REDIC1: variants seen among roughly 807,000 people sequenced by gnomAD.
The protein encoded by REDIC1 is regulator of DNA class I crossover intermediates 1.
At chr12:39,714,772 G>A in the REDIC1 span, among the ~76,000 whole-genome samples, 1 of 151,776 alleles carries the variant, frequency 6.6e-6, no homozygotes, top group African/African-American at 2.4e-5. Flanking sequence ...GGAGTAAGGT[G>A]GTATCACATT....
chr12:39,774,464 A>T, the REDIC1 span, among the ~76,000 whole-genome samples: 1 of 152,188 alleles, frequency 6.6e-6, no homozygotes, highest in Non-Finnish European at 1.5e-5. Context: ...GCCACATAGC[A>T]TTTAAACTCT....
the REDIC1 span, among the ~76,000 whole-genome samples, chr12:39,766,347 G>T: frequency 6.6e-6 from 1 of 152,046 alleles, no homozygotes; most frequent in East Asian, 1.9e-4. Context: ...TGAAAGTGCA[G>T]TCTATTAAGT....
the REDIC1 span, among the ~76,000 whole-genome samples, chr12:39,798,533 C>G: frequency 6.6e-6 from 1 of 152,184 alleles, no homozygotes; most frequent in African/African-American, 2.4e-5. Context: ...AAATTTACAA[C>G]ATACTTATTA....
chr12:39,868,535 A>T, the REDIC1 span, among the ~76,000 whole-genome samples: 1 of 152,200 alleles, frequency 6.6e-6, no homozygotes, highest in Non-Finnish European at 1.5e-5. Context: ...AGTTTAGTAG[A>T]TCTGGGTTAA....
At chr12:39,854,067 A>T in the REDIC1 span, among the ~76,000 whole-genome samples, 6 of 152,008 alleles carry the variant, frequency 3.9e-5, no homozygotes, top group Non-Finnish European at 7.4e-5. Context: ...CATTTCCTAC[A>T]ATATTCACAG....
At chr12:39,744,455 T>C in the REDIC1 span, among the ~76,000 whole-genome samples, 1 of 152,094 alleles carries the variant, frequency 6.6e-6, no homozygotes, top group African/African-American at 2.4e-5. Context: ...ATCTAACAAA[T>C]AACAGTTATA....
At chr12:39,639,223 A>T in the REDIC1 span, among the ~76,000 whole-genome samples, 2 of 151,974 alleles carry the variant, frequency 1.3e-5, no homozygotes, top group Non-Finnish European at 2.9e-5. Context: ...GTAAAGTTTG[A>T]ATGGCAGCAG....
chr12:39,651,879 C>T, the REDIC1 span, among the ~76,000 whole-genome samples: 1 of 152,050 alleles, frequency 6.6e-6, no homozygotes, highest in Non-Finnish European at 1.5e-5. Flanking sequence ...CCTTGGTAAT[C>T]CCTTCTCCCT....
the REDIC1 span, among the ~76,000 whole-genome samples, chr12:39,754,661 T>C: frequency 6.6e-6 from 1 of 152,076 alleles, no homozygotes; most frequent in Non-Finnish European, 1.5e-5. Context: ...TCCAGCACGA[T>C]TGTTCATTTT....
At chr12:39,872,107 C>CAAATTCATGCAAACG in the REDIC1 span, 7 of 615,608 alleles carry the variant, frequency 1.1e-5, no homozygotes, top group Non-Finnish European at 1.7e-5. Context: ...TTCATGCAAG[C>CAAATTCATGCAAACG]TGTTGAAAAG....
the REDIC1 span, among the ~76,000 whole-genome samples, chr12:39,839,910 T>A: frequency 6.6e-6 from 1 of 152,148 alleles, no homozygotes; most frequent in South Asian, 2.1e-4. Flanking sequence ...TATTGTTCCT[T>A]TTGTGTCTCC....
At chr12:39,831,220 A>C in the REDIC1 span, among the ~76,000 whole-genome samples, 1 of 152,194 alleles carries the variant, frequency 6.6e-6, no homozygotes, top group African/African-American at 2.4e-5. Flanking sequence ...ACTGGGTATG[A>C]GCTACCTGGA....
the REDIC1 span, among the ~76,000 whole-genome samples, chr12:39,670,063 C>T: frequency 6.6e-6 from 1 of 152,186 alleles, no homozygotes; most frequent in Non-Finnish European, 1.5e-5. Context: ...GTCCTGCATG[C>T]ACTTTCCGAC....
At chr12:39,797,757 C>CAG in the REDIC1 span, among the ~76,000 whole-genome samples, 2 of 152,048 alleles carry the variant, frequency 1.3e-5, no homozygotes, top group African/African-American at 2.4e-5. Context: ...CACACACACA[C>CAG]ACACACACAC....
At chr12:39,675,899 GA>G in the REDIC1 span, among the ~76,000 whole-genome samples, 2 of 152,124 alleles carry the variant, frequency 1.3e-5, no homozygotes, top group African/African-American at 2.4e-5. Flanking sequence ...GGGGAACAGG[GA>G]GAGCACCACA....
At chr12:39,894,860 G>T in the REDIC1 span, among the ~76,000 whole-genome samples, 11 of 152,188 alleles carry the variant, frequency 7.2e-5, no homozygotes, top group African/African-American at 2.6e-4. Context: ...AGAAAAAAGG[G>T]AGAAAAGAAA....
the REDIC1 span, among the ~76,000 whole-genome samples, chr12:39,686,171 G>C: frequency 6.6e-6 from 1 of 152,118 alleles, no homozygotes; most frequent in Admixed American, 6.5e-5. Context: ...TCTTCTCATG[G>C]CTCCACTAGG....
chr12:39,768,160 TA>T, the REDIC1 span, among the ~76,000 whole-genome samples: 2 of 152,104 alleles, frequency 1.3e-5, no homozygotes, highest in Non-Finnish European at 2.9e-5. Context: ...CAACCTCTGC[TA>T]GCCTCAAACT....
At chr12:39,692,355 CTAGG>C in the REDIC1 span, among the ~76,000 whole-genome samples, 1 of 151,806 alleles carries the variant, frequency 6.6e-6, no homozygotes, top group Non-Finnish European at 1.5e-5. Flanking sequence ...CTCATACTCC[CTAGG>C]TAGCTTAAGA....
Sources: gnomAD v4.1 joint callset for allele counts (sites outside exome capture counted in the v4.1 genomes callset) on GRCh38, gnomAD v4.1.1 for gene constraint, MANE v1.5 for transcripts, NCBI Gene and HGNC (gene_info 2026-07-23, HGNC 2026-07-21) for gene names.